CSMD1: variants seen among roughly 807,000 people sequenced by gnomAD.
The protein encoded by CSMD1 is CUB and sushi domain-containing protein 1.
A neutral mutation model predicts 417.5 loss-of-function variants in CSMD1; 213 were observed. That is an observed-to-expected ratio of 0.51 (90% CI 0.46 to 0.57). The LOEUF (loss-of-function observed/expected upper bound fraction) is 0.57, where lower values mean the gene tolerates loss of function less well. CSMD1 is among the 20% of genes least tolerant of loss of function. CSMD1 has a pLI of 0.00. For synonymous variants in CSMD1, 2,862 were observed against 1,736.8 expected, an observed-to-expected ratio of 1.65 and a Z score of -16.11; for missense variants, 6,923 against 4,529.7, an observed-to-expected ratio of 1.53 and a Z score of -15.17.
At chr8:3,256,112 G>A (rs2117060012) in intron 26 of CSMD1, among the ~76,000 whole-genome samples, 2 of 152,146 alleles carry the variant, frequency 1.3e-5, no homozygotes, top group Admixed American at 1.3e-4. Context: ...CCAATCACCT[G>A]AGGTCAGGAG....
chr8:4,186,417 C>T (rs996917191), intron 3 of CSMD1, among the ~76,000 whole-genome samples: 1 of 152,046 alleles, frequency 6.6e-6, no homozygotes, highest in African/African-American at 2.4e-5. Flanking sequence ...CCCTGACACA[C>T]TGAGAGTAAG....
intron 2 of CSMD1, among the ~76,000 whole-genome samples, chr8:4,427,808 A>G (rs1248432304): frequency 6.6e-6 from 1 of 152,192 alleles, no homozygotes; most frequent in African/African-American, 2.4e-5. Context: ...ACCCATACAA[A>G]TATATGCATG....
At chr8:3,806,422 T>C (rs1045302593) in intron 5 of CSMD1, among the ~76,000 whole-genome samples, 1 of 152,214 alleles carries the variant, frequency 6.6e-6, no homozygotes, top group Non-Finnish European at 1.5e-5. Flanking sequence ...TCAAGCATCC[T>C]GATACGGCCA....
chr8:4,054,836 C>T (rs969704673), intron 3 of CSMD1, among the ~76,000 whole-genome samples: 1 of 152,162 alleles, frequency 6.6e-6, no homozygotes, highest in African/African-American at 2.4e-5. Flanking sequence ...CTAGCCACAG[C>T]AGCCCACTGT....
Position 3,458,355 on chromosome 8 carries a change from T to C in CSMD1, c.1561+10357A>G, listed in dbSNP as rs565217579. ...TTATCTCACATTATTAAGAGGAATC[T>C]GTGCTTATAATTCATTCATGCAATA... On this transcript the variant is annotated intron_variant, in intron 12 of 69. Transcript: ENST00000635120. Among the ~76,000 whole-genome samples, 4 of 152,342 alleles carry C rather than the reference T, an allele frequency of 2.6e-5. No individual in the cohort carries two copies. The East Asian group carries it at 7.7e-4, about 29-fold the overall frequency.
rs1554495063 is a variant in CSMD1 at position 3,635,812 on chromosome 8, A to AAGAAAG, written c.1010-19016_1010-19015insCTTTCT. Among the ~76,000 whole-genome samples the AAGAAAG allele has an allele frequency of 8.5e-5, 10 of 117,652 alleles. No individual in the cohort carries two copies. The South Asian group carries it at 1.1e-3, about 14-fold the overall frequency. 77.2% of individuals were successfully genotyped at this position (117,652 alleles called of 152,430 possible). ...CCATCTCAAAAAAAAAAAAAAAAAAAAAAGAAAGAAAGAAAGAAAAAAAAA... is the reference window on the plus strand; with the variant it reads ...CCATCTCAAAAAAAAAAAAAAAAAAAAGAAAGAAAGAAAGAAAGAAAGAAAAAAAAA... On this transcript the variant is annotated intron_variant, in intron 7 of 69. Coordinates refer to ENST00000635120, the MANE Select transcript of CSMD1 (RefSeq NM_033225.6).
chr8:3,369,389 G>A lies in CSMD1; in HGVS notation c.2783-19C>T. ...CATAGAGCTTAAAATAATAAAGAGA[G>A]ATGATTACAGCACTAAAGTTTCACA... On this transcript the variant is annotated intron_variant, in intron 18 of 69. Coordinates refer to ENST00000635120, the MANE Select transcript of CSMD1 (RefSeq NM_033225.6). 8.4e-7 allele frequency: 1 copy of A among 1,194,636 alleles called. No individual in the cohort carries two copies. The highest frequency in any genetic ancestry group is 1.8e-5 in the Admixed American group (1 of 55,134). 74.0% of individuals were successfully genotyped at this position (1,194,636 alleles called of 1,614,324 possible).
intron 5 of CSMD1, among the ~76,000 whole-genome samples, chr8:3,813,636 A>T (rs1233919031): frequency 6.6e-6 from 1 of 152,182 alleles, no homozygotes; most frequent in Non-Finnish European, 1.5e-5. Flanking sequence ...AATAATGAAC[A>T]TATTATGTTA....
Position 4,182,148 on chromosome 8 carries a change from C to T in CSMD1, c.416-150049G>A, listed in dbSNP as rs537869378. Among the ~76,000 whole-genome samples, 21 of 151,888 alleles carry T rather than the reference C, an allele frequency of 1.4e-4. No individual in the cohort carries two copies. The East Asian group carries it at 4.1e-3, about 29-fold the overall frequency. On this transcript the variant is annotated intron_variant, in intron 3 of 69. Coordinates refer to ENST00000635120, the MANE Select transcript of CSMD1 (RefSeq NM_033225.6). ...CCAAAAGAAGACAGAACTAAAAAAA[C>T]AACATAGCACCAACAAAATAGACCT... is the stretch of plus-strand genomic sequence containing the variant.
chr8:4,420,174 A>G, intron 2 of CSMD1, 109 bp from the exon 3 acceptor site: 1 of 662,038 alleles, frequency 1.5e-6, no homozygotes, highest in South Asian at 1.8e-5. Context: ...TTCACTTGAA[A>G]TATGGCATTA....
intron 1 of CSMD1, among the ~76,000 whole-genome samples, chr8:4,806,614 C>G (rs74780110): frequency 6.6e-6 from 1 of 152,316 alleles, no homozygotes; most frequent in Non-Finnish European, 1.5e-5. Context: ...TTTCTCTTCT[C>G]ATCCAGAAAC....
intron 3 of CSMD1, among the ~76,000 whole-genome samples, chr8:4,147,127 C>A (rs892239063): frequency 1.3e-5 from 2 of 152,068 alleles, no homozygotes; most frequent in East Asian, 3.9e-4. Flanking sequence ...CCAATCTCTT[C>A]CTCAGTTACC....
At chr8:4,570,547 T>C (rs527800846) in intron 2 of CSMD1, among the ~76,000 whole-genome samples, 225 of 152,314 alleles carry the variant, frequency 1.5e-3, no homozygotes, top group African/African-American at 5.3e-3. Context: ...AGTATTTTAT[T>C]GAGGATTTTC....
At chr8:3,432,680 T>C (rs1285425227) in intron 12 of CSMD1, among the ~76,000 whole-genome samples, 2 of 152,062 alleles carry the variant, frequency 1.3e-5, no homozygotes, top group East Asian at 3.9e-4. Flanking sequence ...CACACCCAGC[T>C]AATTTTTGTA....
At chr8:3,199,226 G>A (rs1450923323) in intron 33 of CSMD1, among the ~76,000 whole-genome samples, 1 of 152,018 alleles carries the variant, frequency 6.6e-6, no homozygotes, top group African/African-American at 2.4e-5. Context: ...AATAAAATAG[G>A]TATTTAGTTA....
At chr8:3,506,170 C>A (rs1263932485) in intron 10 of CSMD1, among the ~76,000 whole-genome samples, 3 of 152,130 alleles carry the variant, frequency 2.0e-5, no homozygotes, top group Admixed American at 2.0e-4. Flanking sequence ...AGCTGAAACT[C>A]AAGGACTCTG....
intron 5 of CSMD1, among the ~76,000 whole-genome samples, chr8:3,892,440 C>T (rs1772483909): frequency 1.3e-5 from 2 of 152,120 alleles, no homozygotes; most frequent in Non-Finnish European, 2.9e-5. Context: ...AAGTGACAGG[C>T]TTCATAGCCC....
At position 3,405,925 on chromosome 8, in the gene CSMD1, G is replaced by T. The variant is rs1812317610; in HGVS notation, c.2266+102C>A. 4 of 1,095,228 alleles carry T rather than the reference G, an allele frequency of 3.7e-6. No homozygotes were observed. In the Admixed American group the frequency reaches 9.3e-5, roughly 26 times the overall value. 67.8% of individuals were successfully genotyped at this position (1,095,228 alleles called of 1,614,324 possible). On this transcript the variant is annotated intron_variant, in intron 15 of 69. Coordinates refer to ENST00000635120, the MANE Select transcript of CSMD1 (RefSeq NM_033225.6). The stretch of plus-strand genomic sequence containing the variant: ...AGTGACTGTGTGTGGTATTTTGTTA[G>T]GGCAGCCCTAGCAAGCTAACACAGT...
chr8:3,853,876 A>G (rs190806931), intron 5 of CSMD1, among the ~76,000 whole-genome samples: 2,795 of 141,834 alleles, frequency 0.02, 27 homozygotes, highest in Middle Eastern at 0.031. Context: ...TTATACTTTA[A>G]TATATTAATA....
Sources: allele counts gnomAD v4.1 joint callset (sites outside exome capture counted in the v4.1 genomes callset), GRCh38; gene constraint gnomAD v4.1.1; transcripts MANE v1.5; gene names NCBI Gene and HGNC (gene_info 2026-07-23, HGNC 2026-07-21).